Variants in TAFA5 observed in about 807,000 individuals in gnomAD.
The protein encoded by TAFA5 is TAFA chemokine like family member 5.
A neutral mutation model predicts 15.3 loss-of-function variants in TAFA5; 6 were observed. That is an observed-to-expected ratio of 0.39 (90% CI 0.21 to 0.77). The LOEUF is 0.77. TAFA5 is among the 30% of genes least tolerant of loss of function. The probability of loss-of-function intolerance (pLI) is 0.41; values close to 1 mark genes in which losing one functional copy is unlikely to be tolerated. For missense variants in TAFA5, 161 were observed against 193.1 expected, an observed-to-expected ratio of 0.83 and a Z score of 0.98; for synonymous variants, 103 against 80.7, an observed-to-expected ratio of 1.28 and a Z score of -1.48.
intron 1 of TAFA5, among the ~76,000 whole-genome samples, chr22:48,637,646 C>G (rs1173600017): frequency 6.6e-6 from 1 of 152,206 alleles, no homozygotes; most frequent in East Asian, 1.9e-4. Flanking sequence ...AATCCCGCAC[C>G]CTCGCTCAGG....
chr22:48,497,955 G>GGGCTGA (rs1920935374), intron 1 of TAFA5, among the ~76,000 whole-genome samples: 1 of 70,326 alleles, frequency 1.4e-5, no homozygotes, highest in Admixed American at 1.3e-4. Context: ...GCTGAAGAGT[G>GGGCTGA]GGGTGGGGCC....
At chr22:48,491,090 A>G (rs886936399) in intron 1 of TAFA5, among the ~76,000 whole-genome samples, 2 of 152,174 alleles carry the variant, frequency 1.3e-5, no homozygotes, top group African/African-American at 2.4e-5. Context: ...TGGGGGTCTC[A>G]ACCCGAGCTG....
intron 1 of TAFA5, among the ~76,000 whole-genome samples, chr22:48,554,717 T>C (rs133467): frequency 0.77 from 117,770 of 152,214 alleles, 45,679 homozygotes; most frequent in Middle Eastern, 0.82. Context: ...CAAAATTTCC[T>C]GGGTGTCTGG....
chr22:48,508,050 T>C (rs1305229329), intron 1 of TAFA5, among the ~76,000 whole-genome samples: 1 of 152,050 alleles, frequency 6.6e-6, no homozygotes, highest in Non-Finnish European at 1.5e-5. Context: ...ACTCGGCCCC[T>C]AGAGCCGCCC....
At chr22:48,539,394 G>T (rs755409089) in intron 1 of TAFA5, 1 of 471,106 alleles carries the variant, frequency 2.1e-6, no homozygotes, top group African/African-American at 2.0e-5. Context: ...TCACTCTGAA[G>T]TGGTTGTTAC....
intron 1 of TAFA5, among the ~76,000 whole-genome samples, chr22:48,503,966 A>T (rs543989251): frequency 2.2e-4 from 34 of 152,230 alleles, no homozygotes; most frequent in African/African-American, 7.9e-4. Context: ...ACACACTCAC[A>T]CTCAGGTGGG....
At chr22:48,555,792 G>A (rs760121239) in intron 1 of TAFA5, among the ~76,000 whole-genome samples, 72 of 152,338 alleles carry the variant, frequency 4.7e-4, no homozygotes, top group Non-Finnish European at 3.5e-4. Flanking sequence ...GCAAGATACG[G>A]GGGTGGGGAT....
intron 2 of TAFA5, among the ~76,000 whole-genome samples, chr22:48,688,327 T>G (rs186416231): frequency 3.0e-4 from 46 of 152,374 alleles, no homozygotes; most frequent in African/African-American, 1.1e-3. Context: ...TAAATTATGC[T>G]GTCTAGAAGT....
intron 1 of TAFA5, among the ~76,000 whole-genome samples, chr22:48,546,026 G>C (rs550351918): frequency 1.3e-5 from 2 of 152,330 alleles, no homozygotes; most frequent in African/African-American, 4.8e-5. Flanking sequence ...GCCCGTCGCT[G>C]GGCGGGAGGA....
At chr22:48,701,216 G>C (rs1928895419) in intron 2 of TAFA5, among the ~76,000 whole-genome samples, 1 of 152,080 alleles carries the variant, frequency 6.6e-6, no homozygotes, top group South Asian at 2.1e-4. Context: ...TGTCTGCAGA[G>C]ATGACCTTTG....
At chr22:48,736,194 A>T (rs80135341) in intron 3 of TAFA5, among the ~76,000 whole-genome samples, 1 of 82,652 alleles carries the variant, frequency 1.2e-5, no homozygotes, top group Non-Finnish European at 2.4e-5. Context: ...AATGAGAATC[A>T]CACTCCTGGA....
At chr22:48,724,634 C>T (rs1929664342) in intron 3 of TAFA5, among the ~76,000 whole-genome samples, 1 of 152,224 alleles carries the variant, frequency 6.6e-6, no homozygotes, top group Admixed American at 6.5e-5. Context: ...CTGAAAAGCA[C>T]TGGGGAAAGC....
At chr22:48,576,871 C>A (rs1358255886) in intron 1 of TAFA5, among the ~76,000 whole-genome samples, 1 of 151,942 alleles carries the variant, frequency 6.6e-6, no homozygotes, top group Non-Finnish European at 1.5e-5. Flanking sequence ...GCTGCCGTTC[C>A]CATCCCCTGC....
At chr22:48,551,963 G>A (rs1019201678) in intron 1 of TAFA5, among the ~76,000 whole-genome samples, 1 of 152,240 alleles carries the variant, frequency 6.6e-6, no homozygotes, top group Non-Finnish European at 1.5e-5. Context: ...GTGGAAAACT[G>A]ATTGAGAGCA....
chr22:48,739,742 C>T (rs560013740), intron 3 of TAFA5, among the ~76,000 whole-genome samples: 1 of 152,314 alleles, frequency 6.6e-6, no homozygotes, highest in South Asian at 2.1e-4. Context: ...CTCCGCCTGC[C>T]TCTCTGTGTT....
chr22:48,525,913 T>C (rs1477563269), intron 1 of TAFA5, among the ~76,000 whole-genome samples: 1 of 152,130 alleles, frequency 6.6e-6, no homozygotes, highest in Admixed American at 6.5e-5. Flanking sequence ...GTGGACGAGG[T>C]GTCCTGAAGT....
intron 1 of TAFA5, among the ~76,000 whole-genome samples, chr22:48,564,644 G>A (rs1012065270): frequency 1.3e-5 from 2 of 152,338 alleles, no homozygotes; most frequent in East Asian, 3.9e-4. Flanking sequence ...GCAGGCCTTA[G>A]TTGAGGGCCA....
At chr22:48,631,041 G>A (rs1333196327) in intron 1 of TAFA5, among the ~76,000 whole-genome samples, 1 of 152,202 alleles carries the variant, frequency 6.6e-6, no homozygotes. Context: ...CTGCAGGAAC[G>A]TTCTGGAGGG....
At chr22:48,536,706 C>T (rs535764081) in intron 1 of TAFA5, among the ~76,000 whole-genome samples, 22 of 152,370 alleles carry the variant, frequency 1.4e-4, no homozygotes, top group Non-Finnish European at 2.8e-4. Context: ...CCCTGTGCTG[C>T]GGGGAGGACA....
Sources: allele counts gnomAD v4.1 joint callset (sites outside exome capture counted in the v4.1 genomes callset), GRCh38; gene constraint gnomAD v4.1.1; transcripts MANE v1.5; gene names NCBI Gene and HGNC (gene_info 2026-07-23, HGNC 2026-07-21).